CSMD3: variants seen among roughly 807,000 people sequenced by gnomAD.
CSMD3 encodes the protein CUB and Sushi multiple domains 3, also known as CUB and sushi domain-containing protein 3.
CSMD3 carries 177 observed loss-of-function variants against 435.2 expected under a neutral mutation model. The ratio of observed to expected loss-of-function variants is 0.41; its 90% CI spans 0.36 to 0.46. The LOEUF is 0.46. CSMD3 is among the 20% of genes least tolerant of loss of function. The pLI is 0.34. For missense variants in CSMD3, 4,265 were observed against 4,504.6 expected (o/e 0.95, Z 1.52); for synonymous variants, 1,656 against 1,520.5 (o/e 1.09, Z -2.07).
At chr8:112,260,514 C>G (rs914429556) in intron 61 of CSMD3, among the ~76,000 whole-genome samples, 2 of 152,098 alleles carry the variant, frequency 1.3e-5, no homozygotes, top group Non-Finnish European at 1.5e-5. Context: ...TATTTTATTA[C>G]TATTTGTATT....
At chr8:112,437,229 A>G (rs1486801068) in intron 32 of CSMD3, among the ~76,000 whole-genome samples, 1 of 148,446 alleles carries the variant, frequency 6.7e-6, no homozygotes. Context: ...TCAGATGTAA[A>G]TCACTAGGTT....
rs1812299191 is a variant in CSMD3 at position 112,223,147 on chromosome 8, T to C, written c.*1624A>G. 2.5e-6 allele frequency: 1 copy of C among 397,982 alleles called. No homozygotes were observed. The highest frequency in any genetic ancestry group is 2.1e-5 in the African/African-American group (1 of 48,612). The allele number at this position is 397,982 out of a possible 1,614,324, so 24.7% of individuals were successfully genotyped here. On this transcript the variant is annotated 3_prime_UTR_variant, in exon 71 of 71. Coordinates refer to ENST00000297405, the MANE Select transcript of CSMD3 (RefSeq NM_198123.2). ...ATGAATCATTGTTATTGCAGTCATTTGAATAAACAAGAATAAATAACTGAT... is the reference window on the plus strand; with the variant it reads ...ATGAATCATTGTTATTGCAGTCATTCGAATAAACAAGAATAAATAACTGAT...
At chr8:112,511,394 T>C (rs1374252168) in intron 28 of CSMD3, among the ~76,000 whole-genome samples, 5 of 142,998 alleles carry the variant, frequency 3.5e-5, no homozygotes, top group Non-Finnish European at 7.6e-5. Flanking sequence ...CTTTTTTTTT[T>C]TTTTTTTTTT....
chr8:113,126,833 C>A (rs2091146063), intron 4 of CSMD3, among the ~76,000 whole-genome samples: 1 of 151,938 alleles, frequency 6.6e-6, no homozygotes, highest in South Asian at 2.1e-4. Context: ...CCACACCTCT[C>A]CCTCCCTGCA....
At chr8:113,190,901 C>A (rs1249415129) in intron 3 of CSMD3, among the ~76,000 whole-genome samples, 4 of 151,684 alleles carry the variant, frequency 2.6e-5, no homozygotes, top group African/African-American at 7.3e-5. Flanking sequence ...TTGAGTGTAA[C>A]CACAACTTTA....
intron 60 of CSMD3, among the ~76,000 whole-genome samples, chr8:112,264,761 A>C (rs909219558): frequency 2.0e-5 from 3 of 152,122 alleles, no homozygotes; most frequent in Admixed American, 6.6e-5. Context: ...GTAAACGAAA[A>C]ATCTTAAATA....
At chr8:112,302,213 A>AT (rs34697524) in intron 52 of CSMD3, among the ~76,000 whole-genome samples, 4,458 of 135,010 alleles carry the variant, frequency 0.033, 195 homozygotes, top group African/African-American at 0.1. Context: ...TTTTTTTTTC[A>AT]TTTTTTTTTT....
intron 10 of CSMD3, among the ~76,000 whole-genome samples, chr8:112,896,849 T>A (rs1489878622): frequency 6.6e-6 from 1 of 151,462 alleles, no homozygotes; most frequent in East Asian, 2.0e-4. Flanking sequence ...TCATTGCTCT[T>A]AGAATAAAAA....
At chr8:112,548,522 G>A (rs1269722025) in intron 27 of CSMD3, among the ~76,000 whole-genome samples, 1 of 152,140 alleles carries the variant, frequency 6.6e-6, no homozygotes, top group Admixed American at 6.6e-5. Context: ...GCATCTGCTA[G>A]TTGTATGATC....
Position 113,411,992 on chromosome 8 carries a change from A to G in CSMD3, c.178+24685T>C, listed in dbSNP as rs371840803. On this transcript the variant is annotated intron_variant, in intron 1 of 70. Transcript: ENST00000297405. ...GTTACTAGCTGTGTACCCAGGCAGG[A>G]CGGTTAATGTCTTTTTGCTCTAGTT... 4.7e-4 allele frequency among the ~76,000 whole-genome samples: 71 copies of G among 152,212 alleles called. No homozygotes were observed. In the South Asian group the frequency reaches 0.015, roughly 32 times the overall value.
intron 3 of CSMD3, among the ~76,000 whole-genome samples, chr8:113,217,718 G>T (rs569114144): frequency 6.6e-6 from 1 of 151,454 alleles, no homozygotes; most frequent in African/African-American, 2.4e-5. Flanking sequence ...ATATGTAGAG[G>T]AATATCAAGA....
chr8:113,129,646 G>T (rs974788676), intron 4 of CSMD3, among the ~76,000 whole-genome samples: 3 of 152,122 alleles, frequency 2.0e-5, no homozygotes, highest in Non-Finnish European at 4.4e-5. Flanking sequence ...TAAATTGCAT[G>T]TAAAATCACA....
chr8:112,680,923 AAAAG>A, intron 16 of CSMD3, among the ~76,000 whole-genome samples: 1 of 152,306 alleles, frequency 6.6e-6, no homozygotes, highest in East Asian at 1.9e-4. Context: ...GAAAATAAGA[AAAAG>A]AAACTGCTTT....
chr8:113,277,540 A>C (rs2093581107), intron 3 of CSMD3, among the ~76,000 whole-genome samples: 1 of 151,990 alleles, frequency 6.6e-6, no homozygotes, highest in Admixed American at 6.6e-5. Flanking sequence ...GTTAACATTT[A>C]TACTGAAACA....
At chr8:112,567,800 ATC>A (rs1372564252) in intron 24 of CSMD3, among the ~76,000 whole-genome samples, 3 of 152,052 alleles carry the variant, frequency 2.0e-5, no homozygotes, top group Admixed American at 2.0e-4. Context: ...TCAATTTCTG[ATC>A]TGTTTCCCAA....
intron 5 of CSMD3, among the ~76,000 whole-genome samples, chr8:113,059,886 AG>A (rs1416701843): frequency 6.6e-6 from 1 of 152,178 alleles, no homozygotes; most frequent in African/African-American, 2.4e-5. Context: ...CAGAAGATAT[AG>A]GCAAGGGTAA....
intron 3 of CSMD3, among the ~76,000 whole-genome samples, chr8:113,243,459 A>G (rs995636818): frequency 1.3e-5 from 2 of 152,034 alleles, no homozygotes; most frequent in Non-Finnish European, 2.9e-5. Context: ...TGATTGCTAA[A>G]TAATACTGCA....
At chr8:112,851,244 G>A (rs931760642) in intron 11 of CSMD3, among the ~76,000 whole-genome samples, 1 of 152,090 alleles carries the variant, frequency 6.6e-6, no homozygotes, top group African/African-American at 2.4e-5. Flanking sequence ...TTTGATTGAA[G>A]TCCCCTCCAG....
intron 10 of CSMD3, among the ~76,000 whole-genome samples, chr8:112,919,983 G>A (rs944704844): frequency 3.3e-5 from 5 of 151,734 alleles, no homozygotes; most frequent in Non-Finnish European, 7.4e-5. Context: ...ACTATTTAAA[G>A]AGAAGAAGAG....
Sources: gnomAD v4.1 joint callset for allele counts (sites outside exome capture counted in the v4.1 genomes callset) on GRCh38, gnomAD v4.1.1 for gene constraint, MANE v1.5 for transcripts, NCBI Gene and HGNC (gene_info 2026-07-23, HGNC 2026-07-21) for gene names.